Variants in GALNT13 observed in about 807,000 individuals in gnomAD.
The protein encoded by GALNT13 is polypeptide N-acetylgalactosaminyltransferase 13.
Under a neutral mutation model 64.2 loss-of-function variants are expected in GALNT13, and 28 were observed. The ratio of observed to expected loss-of-function variants is 0.44; its 90% CI spans 0.32 to 0.60. The LOEUF is 0.60. Among genes scored for constraint, GALNT13 ranks in the 20% least tolerant of loss-of-function variants. The pLI, the probability that GALNT13 is intolerant of heterozygous loss-of-function variation, is 0.05. For missense variants in GALNT13, 577 were observed against 669.8 expected (o/e 0.86, Z 1.53); for synonymous variants, 214 against 224.6 (o/e 0.95, Z 0.42).
the GALNT13 span, among the ~76,000 whole-genome samples, chr2:153,411,970 G>C: frequency 6.6e-6 from 1 of 152,086 alleles, no homozygotes; most frequent in African/African-American, 2.4e-5. Flanking sequence ...TAATCTGCTC[G>C]GCACCATCTA....
the GALNT13 span, among the ~76,000 whole-genome samples, chr2:153,257,326 G>T: frequency 5.8e-4 from 88 of 152,104 alleles, 1 homozygote; most frequent in Admixed American, 4.5e-3. Context: ...CACGGTGCGC[G>T]CACCCACTGA....
the GALNT13 span, among the ~76,000 whole-genome samples, chr2:153,559,875 T>C: frequency 6.6e-6 from 1 of 152,144 alleles, no homozygotes; most frequent in Admixed American, 6.5e-5. Flanking sequence ...TTCTCTTTTC[T>C]TAAAAAGATT....
chr2:153,077,563 G>A, the GALNT13 span, among the ~76,000 whole-genome samples: 1 of 152,238 alleles, frequency 6.6e-6, no homozygotes, highest in Middle Eastern at 3.4e-3. Flanking sequence ...ATAACCATAT[G>A]TTGTTTGCTG....
the GALNT13 span, among the ~76,000 whole-genome samples, chr2:153,097,596 T>C: frequency 6.6e-6 from 1 of 152,200 alleles, no homozygotes; most frequent in Admixed American, 6.5e-5. Context: ...AACATGAAGA[T>C]CAGTAAGTAA....
At chr2:154,260,196 A>G (rs956802489) in intron 8 of GALNT13, among the ~76,000 whole-genome samples, 9 of 152,178 alleles carry the variant, frequency 5.9e-5, no homozygotes, top group Admixed American at 1.3e-4. Context: ...TCAGTGTAAA[A>G]TATATGAAAC....
At chr2:153,186,561 C>T in the GALNT13 span, among the ~76,000 whole-genome samples, 2 of 151,510 alleles carry the variant, frequency 1.3e-5, no homozygotes, top group Non-Finnish European at 2.9e-5. Flanking sequence ...GGTCTGTGTA[C>T]TTCAGTGAGT....
At chr2:153,178,286 C>CT in the GALNT13 span, among the ~76,000 whole-genome samples, 1 of 152,068 alleles carries the variant, frequency 6.6e-6, no homozygotes, top group South Asian at 2.1e-4. Flanking sequence ...ACCTCCTTAC[C>CT]TTTTTTCATA....
At chr2:154,271,285 A>G (rs1691340690) in intron 8 of GALNT13, among the ~76,000 whole-genome samples, 1 of 151,986 alleles carries the variant, frequency 6.6e-6, no homozygotes, top group Admixed American at 6.6e-5. Flanking sequence ...CGCATAGAAT[A>G]ATTGGCCATT....
the GALNT13 span, among the ~76,000 whole-genome samples, chr2:153,298,459 C>T: frequency 6.8e-4 from 103 of 152,292 alleles, no homozygotes; most frequent in Admixed American, 1.2e-3. Context: ...TACCCAAGTG[C>T]AGCAAATACT....
intron 9 of GALNT13, among the ~76,000 whole-genome samples, chr2:154,306,623 G>GGGT (rs1693751104): frequency 1.3e-5 from 2 of 149,832 alleles, no homozygotes; most frequent in Admixed American, 6.7e-5. Flanking sequence ...TTTGGTGGGG[G>GGGT]GGGGGTCAAG....
chr2:153,271,752 A>G, the GALNT13 span, among the ~76,000 whole-genome samples: 1 of 152,248 alleles, frequency 6.6e-6, no homozygotes, highest in Non-Finnish European at 1.5e-5. Context: ...TCTTCACAGA[A>G]TTAGAAAACA....
At chr2:154,239,557 A>G (rs979093771) in intron 4 of GALNT13, among the ~76,000 whole-genome samples, 35 of 152,274 alleles carry the variant, frequency 2.3e-4, no homozygotes, top group African/African-American at 7.9e-4. Flanking sequence ...TGACTTTCTA[A>G]GTTTATTTAG....
At chr2:154,262,791 T>G (rs893727052) in intron 8 of GALNT13, among the ~76,000 whole-genome samples, 1 of 152,094 alleles carries the variant, frequency 6.6e-6, no homozygotes. Flanking sequence ...GAAGGAAAGA[T>G]TCTATGAAGT....
At chr2:154,204,601 A>G (rs1687342258) in intron 4 of GALNT13, among the ~76,000 whole-genome samples, 1 of 152,180 alleles carries the variant, frequency 6.6e-6, no homozygotes, top group Admixed American at 6.6e-5. Flanking sequence ...AAATTTCTAA[A>G]CCAATAAGGT....
chr2:154,263,392 G>C (rs1690808700), intron 8 of GALNT13, among the ~76,000 whole-genome samples: 1 of 152,134 alleles, frequency 6.6e-6, no homozygotes, highest in African/African-American at 2.4e-5. Flanking sequence ...CATGGCAGCT[G>C]TTGTGGTGAT....
In GALNT13 at chr2:154,450,445, G is replaced by A. The variant is rs1234765348; in HGVS notation, c.1565G>A (p.Cys522Tyr). ...LTLRHVNSNQCLDEPSEEDKM... is the reference protein window; with the variant it reads ...LTLRHVNSNQYLDEPSEEDKM... ...TTGCGACATGTTAACAGTAACCAAT[G>A]TCTCGATGAACCTTCTGAAGAAGAC... The change falls in exon 13 of 13, where the codon TGT becomes TAT. Residue 522 changes from cysteine (C) to tyrosine (Y), a missense_variant. Coordinates refer to ENST00000392825, the MANE Select transcript of GALNT13 (RefSeq NM_052917.4). 6.2e-7 allele frequency: 1 copy of A among 1,612,620 alleles called. No homozygotes were observed. Among genetic ancestry groups the A allele is most frequent in the Admixed American group, 1.7e-5 (1 of 59,786 alleles).
At chr2:153,357,838 G>A in the GALNT13 span, among the ~76,000 whole-genome samples, 586 of 152,188 alleles carry the variant, frequency 3.9e-3, 1 homozygote, top group Non-Finnish European at 5.2e-3. Context: ...TCTGTTTTTT[G>A]TAGTAATTTT....
upstream of GALNT13, among the ~76,000 whole-genome samples, chr2:153,867,593 G>A (rs543981252): frequency 1.4e-4 from 21 of 152,042 alleles, no homozygotes; most frequent in African/African-American, 3.9e-4. Flanking sequence ...AGCACATGAC[G>A]TTTATTGTGT....
intron 3 of GALNT13, among the ~76,000 whole-genome samples, chr2:154,062,347 A>T (rs989001607): frequency 3.3e-5 from 5 of 152,058 alleles, no homozygotes; most frequent in Admixed American, 3.3e-4. Flanking sequence ...GATATGAGTT[A>T]TTCTTTTTCT....
Sources: allele counts gnomAD v4.1 joint callset (sites outside exome capture counted in the v4.1 genomes callset), GRCh38; gene constraint gnomAD v4.1.1; transcripts MANE v1.5; gene names NCBI Gene and HGNC (gene_info 2026-07-23, HGNC 2026-07-21).